The following NINL variants were observed in gnomAD, a reference collection of about 807,000 sequenced individuals.
The protein encoded by NINL is ninein-like protein.
NINL carries 153 observed loss-of-function variants against 160.3 expected under a neutral mutation model. The observed-to-expected ratio is 0.95, with a 90% CI of 0.84 to 1.09. The LOEUF is 1.09. Ranked by LOEUF, NINL falls within the 50% of genes least tolerant of loss-of-function variation. NINL has a pLI of 0.00. For missense variants in NINL, 1,829 were observed against 1,764.0 expected (o/e 1.04, Z -0.66); for synonymous variants, 800 against 734.8 (o/e 1.09, Z -1.43).
rs547606450 is a variant in NINL, at chr20:25,453,667, T to G, written c.3958-25A>C. On this transcript the variant is annotated intron_variant, in intron 23 of 23. Coordinates refer to ENST00000278886, the MANE Select transcript of NINL (RefSeq NM_025176.6). ...ACTAGAGAGGGGAGGAAGCCATGCT[T>G]TGCATGAGGCCGGTGGAGAAACGCT... 4 of 1,578,940 alleles carry G rather than the reference T, an allele frequency of 2.5e-6. No individual in the cohort carries two copies. The East Asian group carries it at 9.0e-5, about 36-fold the overall frequency.
chr20:25,459,538 G>A (rs1213641820), intron 21 of NINL, among the ~76,000 whole-genome samples: 2 of 152,176 alleles, frequency 1.3e-5, no homozygotes, highest in Admixed American at 1.3e-4. Context: ...TCTCCCGAAG[G>A]CTCGTCTCAA....
rs149589875 is a variant in NINL at position 25,475,589 on chromosome 20, G to A, written c.3248+454C>T. On this transcript the variant is annotated intron_variant, in intron 17 of 23. Transcript: ENST00000278886. ...AACAATGAAAAATCTTTGGAAGCGA[G>A]GGCCGGGCGCAGTGGCTCACGCCTG... Among the ~76,000 whole-genome samples the A allele has an allele frequency of 2.8e-3, 427 of 152,286 alleles. 3 individuals are homozygous for A. Among genetic ancestry groups the A allele is most frequent in the African/African-American group, 9.5e-3 (393 of 41,556 alleles).
chr20:25,454,534 G>A (rs1484298666), intron 23 of NINL, among the ~76,000 whole-genome samples: 2 of 152,128 alleles, frequency 1.3e-5, no homozygotes, highest in Non-Finnish European at 2.9e-5. Context: ...CCCCAGGGAG[G>A]GACTGGGAAC....
At chr20:25,528,822 A>G (rs994594936) in intron 1 of NINL, among the ~76,000 whole-genome samples, 1 of 152,228 alleles carries the variant, frequency 6.6e-6, no homozygotes, top group Admixed American at 6.5e-5. Flanking sequence ...AAATATAAGG[A>G]AACAACAACA....
chr20:25,538,286 G>A (rs2064596077), intron 1 of NINL, among the ~76,000 whole-genome samples: 1 of 152,222 alleles, frequency 6.6e-6, no homozygotes, highest in Admixed American at 6.5e-5. Flanking sequence ...GGGGTGGGCT[G>A]CCCCACCTCT....
At chr20:25,470,219 G>T in intron 17 of NINL, 124 bp from the exon 18 acceptor site, 3 of 719,192 alleles carry the variant, frequency 4.2e-6, no homozygotes, top group Admixed American at 2.1e-5. Flanking sequence ...TGGAGGTGGC[G>T]CCAGACACCA....
chr20:25,504,171 C>G (rs2063919805), intron 6 of NINL, 67 bp from the exon 7 acceptor site: 1 of 1,326,150 alleles, frequency 7.5e-7, no homozygotes, highest in African/African-American at 1.5e-5. Context: ...TCACCAGGGC[C>G]TCCCTCCCTC....
chr20:25,454,671 A>G (rs887743410), intron 23 of NINL, among the ~76,000 whole-genome samples: 2 of 152,124 alleles, frequency 1.3e-5, no homozygotes, highest in Non-Finnish European at 2.9e-5. Flanking sequence ...CCTAACACTG[A>G]ATGTGGTCCG....
At chr20:25,464,621 C>T (rs940003188) in intron 19 of NINL, among the ~76,000 whole-genome samples, 4 of 152,146 alleles carry the variant, frequency 2.6e-5, no homozygotes, top group African/African-American at 4.8e-5. Context: ...TCTCCACAGC[C>T]GCCTGCCTCC....
intron 3 of NINL, among the ~76,000 whole-genome samples, chr20:25,515,647 A>G (rs1340907091): frequency 1.3e-5 from 2 of 152,178 alleles, no homozygotes; most frequent in African/African-American, 2.4e-5. Flanking sequence ...TTAATTCCCA[A>G]TGGTGGAGGA....
At position 25,477,056 on chromosome 20, in the gene NINL, C is replaced by T; in HGVS notation, c.2235G>A (p.Leu745=). The T allele has an allele frequency of 6.3e-7, 1 of 1,598,126 alleles. No homozygotes were observed. Among genetic ancestry groups the T allele is most frequent in the African/African-American group, 1.3e-5 (1 of 75,018 alleles). The stretch of plus-strand genomic sequence containing the variant: ...GAGCGGGCAGGGCTCCCAGCCCCGA[C>T]AGCTCTCCACTCAGCTCCGCCTCAG... The part of the protein sequence containing the change: ...REAEAELSGE[L]SGLGALPARR... Residue 745 remains leucine (L), a synonymous_variant, in exon 17 of 24, where the codon CTG becomes CTA. Coordinates refer to ENST00000278886, the MANE Select transcript of NINL (RefSeq NM_025176.6).
chr20:25,581,183 G>T (rs1236679011), intron 1 of NINL, among the ~76,000 whole-genome samples: 1 of 152,168 alleles, frequency 6.6e-6, no homozygotes, highest in African/African-American at 2.4e-5. Flanking sequence ...GCTCACGCCC[G>T]CAATCCCATC....
At chr20:25,526,788 G>C (rs1015893623) in intron 1 of NINL, among the ~76,000 whole-genome samples, 190 bp from the exon 2 acceptor site, 1 of 152,206 alleles carries the variant, frequency 6.6e-6, no homozygotes, top group Non-Finnish European at 1.5e-5. Flanking sequence ...TTGCAGGAGA[G>C]GCCAGAGCAG....
chr20:25,532,634 G>A (rs113185142), intron 1 of NINL, among the ~76,000 whole-genome samples: 133 of 152,312 alleles, frequency 8.7e-4, no homozygotes, highest in African/African-American at 3.0e-3. Flanking sequence ...TAACTCCTGC[G>A]TCTCAGACTC....
intron 1 of NINL, among the ~76,000 whole-genome samples, chr20:25,564,607 C>T (rs2064980143): frequency 2.0e-5 from 3 of 151,708 alleles, no homozygotes; most frequent in Non-Finnish European, 4.4e-5. Flanking sequence ...CGTGAGCCAC[C>T]GCGCCCGGCC....
At chr20:25,527,179 G>A (rs1327514327) in intron 1 of NINL, among the ~76,000 whole-genome samples, 2 of 151,428 alleles carry the variant, frequency 1.3e-5, no homozygotes, top group African/African-American at 2.4e-5. Context: ...TGGGAGACAG[G>A]GTCTTGCTCT....
In NINL at chr20:25,539,930, C is replaced by G. The variant is rs148775678; in HGVS notation, c.-11-13332G>C. 5.5e-3 allele frequency: 3,972 copies of G among 722,778 alleles called. 38 individuals carry two copies. The highest frequency in any genetic ancestry group is 6.3e-3 in the Non-Finnish European group (3,013 of 479,778). The allele number at this position is 722,778 out of a possible 1,614,324, so 44.8% of individuals were successfully genotyped here. On this transcript the variant is annotated intron_variant, in intron 1 of 23. Transcript: ENST00000278886. Reference sequence around the variant, plus strand: ...TTCATCCAGCACTGCCACTGCACACCCCTGCGGGTTCCCGGGGGCTCCCAG... The same window carrying G: ...TTCATCCAGCACTGCCACTGCACACGCCTGCGGGTTCCCGGGGGCTCCCAG...
chr20:25,476,608 G>A lies in NINL; in HGVS notation c.2683C>T (p.Pro895Ser), dbSNP rs2063250137. 1.3e-6 allele frequency: 2 copies of A among 1,596,642 alleles called. No individual in the cohort carries two copies. Among genetic ancestry groups the A allele is most frequent in the South Asian group, 1.1e-5 (1 of 90,414 alleles). ...GAGGGGCCGTGGGATGCCGGGGCAGGGGCGGGGGCCGGGCTCTGCGTAGCT... is the reference window on the plus strand; with the variant it reads ...GAGGGGCCGTGGGATGCCGGGGCAGAGGCGGGGGCCGGGCTCTGCGTAGCT... ...TEATQSPAPA[P>S]APASHGPSER... Residue 895 changes from proline (P) to serine (S), a missense_variant, in exon 17 of 24, where the codon CCT becomes TCT. Physicochemically the swap from Pro to Ser is moderately conservative, Grantham distance 74. Transcript: ENST00000278886.
chr20:25,484,989 C>G (rs1444912675), intron 13 of NINL, among the ~76,000 whole-genome samples: 1 of 152,180 alleles, frequency 6.6e-6, no homozygotes, highest in Non-Finnish European at 1.5e-5. Flanking sequence ...GCTGTGCCAG[C>G]TGAGGATGCA....
Sources: allele counts gnomAD v4.1 joint callset (sites outside exome capture counted in the v4.1 genomes callset), GRCh38; gene constraint gnomAD v4.1.1; transcripts MANE v1.5; gene names NCBI Gene and HGNC (gene_info 2026-07-23, HGNC 2026-07-21).